The following MAGI2 variants were observed in gnomAD, a reference collection of about 807,000 sequenced individuals.
MAGI2 encodes membrane-associated guanylate kinase, WW and PDZ domain-containing protein 2.
A neutral mutation model predicts 133.3 loss-of-function variants in MAGI2; 35 were observed. The ratio of observed to expected loss-of-function variants is 0.26; its 90% confidence interval spans 0.20 to 0.35. The LOEUF (loss-of-function observed/expected upper bound fraction) is 0.35, where lower values mean the gene tolerates loss of function less well. MAGI2 is among the 10% of genes least tolerant of loss of function. The pLI, the probability that MAGI2 is intolerant of heterozygous loss-of-function variation, is 1.00. For missense variants in MAGI2, 1,636 were observed against 1,863.4 expected (o/e 0.88, Z 2.25); for synonymous variants, 729 against 710.6 (o/e 1.03, Z -0.41).
intron 10 of MAGI2, among the ~76,000 whole-genome samples, chr7:78,235,144 T>A (rs991991370): frequency 1.3e-5 from 2 of 152,296 alleles, no homozygotes; most frequent in Admixed American, 1.3e-4. Context: ...TTGAACATAT[T>A]TTACATAATA....
chr7:78,451,981 A>G (rs1168012256), intron 6 of MAGI2, among the ~76,000 whole-genome samples: 6 of 152,058 alleles, frequency 3.9e-5, no homozygotes, highest in African/African-American at 1.4e-4. Flanking sequence ...TCTTGACTTC[A>G]AGGTTTCCTT....
chr7:78,142,758 G>C (rs1446819325), intron 16 of MAGI2, among the ~76,000 whole-genome samples: 1 of 152,160 alleles, frequency 6.6e-6, no homozygotes, highest in Non-Finnish European at 1.5e-5. Flanking sequence ...AGGAAGCAAA[G>C]AAACTTCAGA....
At chr7:79,098,552 A>G (rs1432624924) in intron 1 of MAGI2, among the ~76,000 whole-genome samples, 1 of 152,228 alleles carries the variant, frequency 6.6e-6, no homozygotes, top group Non-Finnish European at 1.5e-5. Flanking sequence ...TAACATGAGA[A>G]GAAAACTTCG....
chr7:79,434,475 A>G (rs567231599), intron 1 of MAGI2, among the ~76,000 whole-genome samples: 1 of 152,348 alleles, frequency 6.6e-6, no homozygotes, highest in South Asian at 2.1e-4. Context: ...GCAAAAATGC[A>G]TTTCAGAACA....
intron 16 of MAGI2, among the ~76,000 whole-genome samples, chr7:78,143,752 C>T (rs1822997868): frequency 2.0e-5 from 3 of 152,056 alleles, no homozygotes; most frequent in Non-Finnish European, 2.9e-5. Context: ...GAGAAAAATA[C>T]GTCAAGTATG....
chr7:78,188,138 A>G (rs1225777950), intron 12 of MAGI2, among the ~76,000 whole-genome samples: 1 of 152,146 alleles, frequency 6.6e-6, no homozygotes, highest in African/African-American at 2.4e-5. Context: ...TGCTATCTCT[A>G]TATTACTTAG....
intron 3 of MAGI2, among the ~76,000 whole-genome samples, chr7:78,610,436 A>G (rs1806316377): frequency 6.6e-6 from 1 of 152,178 alleles, no homozygotes. Flanking sequence ...ACTTGGCTTT[A>G]CAGGGAACAC....
chr7:78,525,021 TA>T (rs1796831768), intron 3 of MAGI2, among the ~76,000 whole-genome samples: 1 of 152,060 alleles, frequency 6.6e-6, no homozygotes, highest in Admixed American at 6.6e-5. Context: ...TAATTAGACA[TA>T]AATGCATAGC....
At chr7:78,125,665 G>A in intron 20 of MAGI2, 29 bp downstream of exon 20, 1 of 1,495,302 alleles carries the variant, frequency 6.7e-7, no homozygotes, top group Non-Finnish European at 9.2e-7. Context: ...TCAGAATTAA[G>A]CAATTCTATA....
chr7:78,615,725 C>A (rs1250590414), intron 3 of MAGI2: 2 of 152,194 alleles, frequency 1.3e-5, no homozygotes, highest in Non-Finnish European at 2.9e-5. Context: ...ATCTACCCAT[C>A]ATTGTCAGGA....
At chr7:78,652,918 G>T (rs188584468) in intron 2 of MAGI2, among the ~76,000 whole-genome samples, 2 of 150,450 alleles carry the variant, frequency 1.3e-5, no homozygotes, top group African/African-American at 4.9e-5. Context: ...AATCTACAAA[G>T]AACTTAAACA....
chr7:79,109,542 G>T (rs929126608), intron 1 of MAGI2, among the ~76,000 whole-genome samples: 3 of 152,132 alleles, frequency 2.0e-5, no homozygotes, highest in African/African-American at 4.8e-5. Flanking sequence ...GCCCAACTTC[G>T]ATACAGGAGC....
chr7:78,418,057 C>A lies in MAGI2; in HGVS notation c.1046-48844G>T, dbSNP rs1314843686. Among the ~76,000 whole-genome samples the A allele has an allele frequency of 3.3e-5, 5 of 151,988 alleles. No homozygotes were observed. The East Asian group carries it at 9.7e-4, about 29-fold the overall frequency. On this transcript the variant is annotated intron_variant, in intron 6 of 21. Transcript: ENST00000354212. ...CTTAACTGTTGTTTATCATGTCTGCCAAGGGAGAATTGCTTGAGCCCAGGA... is the reference window on the plus strand; with the variant it reads ...CTTAACTGTTGTTTATCATGTCTGCAAAGGGAGAATTGCTTGAGCCCAGGA...
intron 3 of MAGI2, among the ~76,000 whole-genome samples, chr7:78,533,994 G>A (rs185797778): frequency 2.0e-5 from 3 of 152,244 alleles, no homozygotes; most frequent in Admixed American, 2.0e-4. Context: ...TGGGCAGAGG[G>A]GAAGGTTATC....
intron 6 of MAGI2, among the ~76,000 whole-genome samples, chr7:78,478,570 G>C (rs1360520984): frequency 6.6e-6 from 1 of 151,904 alleles, no homozygotes; most frequent in Non-Finnish European, 1.5e-5. Flanking sequence ...AAGTTTTAAA[G>C]TACTGTTATC....
intron 2 of MAGI2, among the ~76,000 whole-genome samples, chr7:78,676,866 C>A (rs2151085968): frequency 6.6e-6 from 1 of 152,056 alleles, no homozygotes; most frequent in Admixed American, 6.6e-5. Context: ...TGCTTTCTTG[C>A]CAAATACATT....
chr7:79,325,096 G>T (rs1029051527), intron 1 of MAGI2, among the ~76,000 whole-genome samples: 2 of 151,774 alleles, frequency 1.3e-5, no homozygotes, highest in African/African-American at 4.8e-5. Context: ...ACATAAATAC[G>T]TCCTGGGAAT....
intron 9 of MAGI2, among the ~76,000 whole-genome samples, chr7:78,339,692 T>C (rs908357584): frequency 1.3e-5 from 2 of 152,224 alleles, no homozygotes; most frequent in East Asian, 1.9e-4. Flanking sequence ...AAACATTTGA[T>C]GTTTGTGAGG....
intron 2 of MAGI2, among the ~76,000 whole-genome samples, chr7:78,859,194 A>G (rs949204290): frequency 6.6e-6 from 1 of 152,096 alleles, no homozygotes; most frequent in Non-Finnish European, 1.5e-5. Context: ...TCTTTACCCA[A>G]TTTGCCCATC....
Sources: gnomAD v4.1 joint callset for allele counts (sites outside exome capture counted in the v4.1 genomes callset) on GRCh38, gnomAD v4.1.1 for gene constraint, MANE v1.5 for transcripts, NCBI Gene and HGNC (gene_info 2026-07-23, HGNC 2026-07-21) for gene names.